Variants in CSMD1 observed in about 807,000 individuals in gnomAD.
CSMD1 encodes the protein CUB and Sushi multiple domains 1, also known as CUB and sushi domain-containing protein 1.
CSMD1 carries 213 observed loss-of-function variants against 417.5 expected under a neutral mutation model. The observed-to-expected ratio is 0.51, with a 90% confidence interval of 0.46 to 0.57. The LOEUF is 0.57. CSMD1 is among the 20% of genes least tolerant of loss of function. CSMD1 has a pLI of 0.00. For synonymous variants in CSMD1, 2,862 were observed against 1,736.8 expected (o/e 1.65, Z -16.11); for missense variants, 6,923 against 4,529.7 (o/e 1.53, Z -15.17).
intron 5 of CSMD1, among the ~76,000 whole-genome samples, chr8:3,766,975 G>A (rs540896597): frequency 6.6e-6 from 1 of 152,152 alleles, no homozygotes; most frequent in East Asian, 1.9e-4. Flanking sequence ...AATCATATGG[G>A]TCCCCAGGCG....
At chr8:3,442,686 C>T (rs1355141244) in intron 12 of CSMD1, among the ~76,000 whole-genome samples, 1 of 152,162 alleles carries the variant, frequency 6.6e-6, no homozygotes, top group Non-Finnish European at 1.5e-5. Flanking sequence ...CATCTCAGAA[C>T]GTATCCCTGT....
chr8:3,790,072 T>C (rs1244645609), intron 5 of CSMD1, among the ~76,000 whole-genome samples: 3 of 152,196 alleles, frequency 2.0e-5, no homozygotes, highest in East Asian at 1.9e-4. Context: ...AGAATGTCAA[T>C]GAAGGTCCAT....
intron 1 of CSMD1, among the ~76,000 whole-genome samples, chr8:4,892,288 A>T (rs1804172255): frequency 6.6e-6 from 1 of 152,124 alleles, no homozygotes; most frequent in South Asian, 2.1e-4. Flanking sequence ...CCTTTATTTT[A>T]AAAGGAAGTC....
At chr8:3,716,122 C>T (rs964272077) in intron 6 of CSMD1, among the ~76,000 whole-genome samples, 2 of 152,206 alleles carry the variant, frequency 1.3e-5, no homozygotes, top group Non-Finnish European at 2.9e-5. Flanking sequence ...GCTTCCAGAA[C>T]TCCACCCTGT....
intron 1 of CSMD1, among the ~76,000 whole-genome samples, chr8:4,779,927 A>G (rs889225510): frequency 6.6e-6 from 1 of 151,920 alleles, no homozygotes; most frequent in Non-Finnish European, 1.5e-5. Context: ...TTCTCCAATA[A>G]GAAAATAAAT....
chr8:4,121,213 C>G (rs1585359129), intron 3 of CSMD1, among the ~76,000 whole-genome samples: 2 of 152,096 alleles, frequency 1.3e-5, no homozygotes, highest in African/African-American at 4.8e-5. Flanking sequence ...CTCTCGGGTT[C>G]AAGCAATTCT....
intron 7 of CSMD1, among the ~76,000 whole-genome samples, chr8:3,695,778 C>G (rs1481834883): frequency 1.3e-5 from 2 of 152,174 alleles, no homozygotes; most frequent in Non-Finnish European, 2.9e-5. Context: ...ACATGATGAA[C>G]TGGATTCAGA....
chr8:3,299,038 C>T (rs1211207078), intron 25 of CSMD1, among the ~76,000 whole-genome samples: 1 of 152,044 alleles, frequency 6.6e-6, no homozygotes, highest in Non-Finnish European at 1.5e-5. Context: ...ATGACTCCAA[C>T]AAAAAATATG....
intron 2 of CSMD1, among the ~76,000 whole-genome samples, chr8:4,543,571 T>A (rs1246607471): frequency 6.8e-6 from 1 of 147,936 alleles, no homozygotes; most frequent in Admixed American, 7.0e-5. Context: ...GTTTTGACTA[T>A]AAACGTTCAT....
chr8:4,386,896 G>C (rs1286889938), intron 3 of CSMD1, among the ~76,000 whole-genome samples: 2 of 152,190 alleles, frequency 1.3e-5, no homozygotes, highest in African/African-American at 4.8e-5. Context: ...ATAGTATCAT[G>C]AATAGTTAAA....
chr8:4,155,840 A>T (rs1251401248), intron 3 of CSMD1, among the ~76,000 whole-genome samples: 1 of 152,186 alleles, frequency 6.6e-6, no homozygotes, highest in African/African-American at 2.4e-5. Flanking sequence ...ATCCTCTTAA[A>T]TAAGGCAAAA....
At chr8:4,543,187 G>A (rs184584937) in intron 2 of CSMD1, among the ~76,000 whole-genome samples, 124 of 152,200 alleles carry the variant, frequency 8.1e-4, no homozygotes, top group African/African-American at 2.7e-3. Context: ...ATTTCTTTGT[G>A]TTATACAGCT....
At chr8:4,852,636 T>G (rs1801544509) in intron 1 of CSMD1, among the ~76,000 whole-genome samples, 1 of 152,102 alleles carries the variant, frequency 6.6e-6, no homozygotes, top group Non-Finnish European at 1.5e-5. Flanking sequence ...GGAAGTGGCT[T>G]TGGAACTAGG....
chr8:3,271,144 G>T (rs1417751091), intron 26 of CSMD1, among the ~76,000 whole-genome samples: 1 of 137,814 alleles, frequency 7.3e-6, no homozygotes, highest in Non-Finnish European at 1.5e-5. Context: ...TGTTCTCATT[G>T]TTCAGTTCCC....
chr8:3,792,512 T>C (rs1484542381), intron 5 of CSMD1, among the ~76,000 whole-genome samples: 2 of 152,200 alleles, frequency 1.3e-5, no homozygotes, highest in Non-Finnish European at 2.9e-5. Context: ...CGCTGATTAC[T>C]GTCAATTATC....
intron 10 of CSMD1, among the ~76,000 whole-genome samples, chr8:3,517,099 C>G (rs940916502): frequency 6.6e-6 from 1 of 152,184 alleles, no homozygotes; most frequent in Non-Finnish European, 1.5e-5. Context: ...GCGGCCTTCT[C>G]AGGAGAGGAA....
chr8:3,286,768 T>A (rs1313328434), intron 25 of CSMD1, among the ~76,000 whole-genome samples: 1 of 152,158 alleles, frequency 6.6e-6, no homozygotes, highest in Non-Finnish European at 1.5e-5. Flanking sequence ...TCCCATTCTG[T>A]AGGTTGAGTG....
intron 23 of CSMD1, among the ~76,000 whole-genome samples, chr8:3,335,381 T>G (rs1807188698): frequency 1.3e-5 from 2 of 152,108 alleles, no homozygotes; most frequent in Admixed American, 1.3e-4. Context: ...ACATTTCATA[T>G]AAGAAGAAAG....
intron 23 of CSMD1, among the ~76,000 whole-genome samples, chr8:3,335,577 T>C (rs1807204727): frequency 6.6e-6 from 1 of 152,128 alleles, no homozygotes; most frequent in Admixed American, 6.5e-5. Flanking sequence ...CTAGGGAGGC[T>C]GAGTCAGGAG....
Sources: gnomAD v4.1 joint callset for allele counts (sites outside exome capture counted in the v4.1 genomes callset) on GRCh38, gnomAD v4.1.1 for gene constraint, MANE v1.5 for transcripts, NCBI Gene and HGNC (gene_info 2026-07-23, HGNC 2026-07-21) for gene names.